MAGI1: variants seen among roughly 807,000 people sequenced by gnomAD.
MAGI1 encodes membrane-associated guanylate kinase, WW and PDZ domain-containing protein 1.
A neutral mutation model predicts 139.9 loss-of-function variants in MAGI1; 58 were observed. That is an observed-to-expected ratio of 0.41 (90% CI 0.34 to 0.52). MAGI1 has a LOEUF of 0.52. Among genes scored for constraint, MAGI1 ranks in the 20% least tolerant of loss-of-function variants. The pLI is 0.12. For missense variants in MAGI1, 1,874 were observed against 1,901.6 expected (o/e 0.99, Z 0.27); for synonymous variants, 812 against 737.9 (o/e 1.10, Z -1.63).
intron 1 of MAGI1, among the ~76,000 whole-genome samples, chr3:65,978,613 C>CAA (rs1435317753): frequency 7.5e-6 from 1 of 134,214 alleles, no homozygotes; most frequent in African/African-American, 2.8e-5. Context: ...TGACTCAGCT[C>CAA]AAAATTTCTT....
Position 65,392,018 on chromosome 3 carries a change from C to T in MAGI1, c.2200-660G>A, listed in dbSNP as rs185868611. On this transcript the variant is annotated intron_variant, in intron 13 of 22. Transcript: ENST00000402939. ...CATTACACTTCACCTCTTAAACTGC[C>T]GATAGTACTGTTGGTTGAAAACCAA... 1.1e-3 allele frequency among the ~76,000 whole-genome samples: 163 copies of T among 152,176 alleles called. 1 individual carries two copies. Among genetic ancestry groups the T allele is most frequent in the Middle Eastern group, 0.01 (3 of 294 alleles).
At chr3:65,728,118 A>T (rs1326847074) in intron 1 of MAGI1, among the ~76,000 whole-genome samples, 1 of 152,198 alleles carries the variant, frequency 6.6e-6, no homozygotes, top group African/African-American at 2.4e-5. Flanking sequence ...AGGGTCTGGA[A>T]GTCTGGAAGG....
At chr3:65,571,871 G>C (rs1365360601) in intron 2 of MAGI1, among the ~76,000 whole-genome samples, 2 of 152,054 alleles carry the variant, frequency 1.3e-5, no homozygotes, top group Non-Finnish European at 2.9e-5. Context: ...CTGATCATTT[G>C]ATGCACAAAA....
At chr3:66,015,179 C>CAA (rs11361856) in intron 1 of MAGI1, among the ~76,000 whole-genome samples, 4 of 97,990 alleles carry the variant, frequency 4.1e-5, no homozygotes, top group Non-Finnish European at 4.2e-5. Context: ...CCTGTCTCTA[C>CAA]AAAAAAAAAA....
intron 14 of MAGI1, among the ~76,000 whole-genome samples, chr3:65,389,148 T>C (rs1171202654): frequency 6.6e-6 from 1 of 152,146 alleles, no homozygotes; most frequent in Non-Finnish European, 1.5e-5. Context: ...TGGCCCCGAA[T>C]ATTTCAGTCC....
chr3:65,619,219 T>A (rs541674338), intron 2 of MAGI1, among the ~76,000 whole-genome samples: 18 of 152,294 alleles, frequency 1.2e-4, no homozygotes, highest in Middle Eastern at 3.4e-3. Flanking sequence ...GGTACAATTT[T>A]GAGAAAGTTC....
chr3:65,435,019 G>A (rs1413041658), intron 10 of MAGI1, among the ~76,000 whole-genome samples: 2 of 152,216 alleles, frequency 1.3e-5, no homozygotes, highest in African/African-American at 4.8e-5. Context: ...TGCACCACAT[G>A]AGGATACAGT....
chr3:65,762,490 T>C (rs2037116977), intron 1 of MAGI1, among the ~76,000 whole-genome samples: 1 of 151,728 alleles, frequency 6.6e-6, no homozygotes, highest in Admixed American at 6.6e-5. Context: ...CACACAGATC[T>C]CCAAAGGATG....
intron 1 of MAGI1, among the ~76,000 whole-genome samples, chr3:65,734,712 G>A (rs2034561084): frequency 6.6e-6 from 1 of 152,106 alleles, no homozygotes; most frequent in Non-Finnish European, 1.5e-5. Flanking sequence ...GAAGATTCCT[G>A]AAGGAAGCAG....
chr3:65,781,604 G>A (rs1027881851), intron 1 of MAGI1, among the ~76,000 whole-genome samples: 3 of 152,096 alleles, frequency 2.0e-5, no homozygotes, highest in Non-Finnish European at 4.4e-5. Context: ...AGCAACTGCC[G>A]CTTTTCAAAG....
chr3:65,700,182 G>A (rs940803703), intron 1 of MAGI1, among the ~76,000 whole-genome samples: 9 of 152,230 alleles, frequency 5.9e-5, no homozygotes, highest in Non-Finnish European at 8.8e-5. Context: ...GGTGACTCAC[G>A]TCTGTAATTC....
intron 13 of MAGI1, among the ~76,000 whole-genome samples, chr3:65,398,015 C>CT (rs983363854): frequency 8.8e-4 from 128 of 146,006 alleles, no homozygotes; most frequent in African/African-American, 2.1e-3. Flanking sequence ...GGCAATTAAT[C>CT]TTTTTTTTTT....
intron 1 of MAGI1, among the ~76,000 whole-genome samples, chr3:65,825,596 C>T (rs2042180078): frequency 6.6e-6 from 1 of 152,068 alleles, no homozygotes; most frequent in Admixed American, 6.5e-5. Context: ...TAAATTATGG[C>T]ACAGTTATGC....
intron 18 of MAGI1, among the ~76,000 whole-genome samples, chr3:65,365,677 G>C (rs887994213): frequency 6.6e-6 from 1 of 152,118 alleles, no homozygotes; most frequent in Admixed American, 6.5e-5. Context: ...TTCTAACAAA[G>C]AAAATGCTAA....
intron 13 of MAGI1, among the ~76,000 whole-genome samples, chr3:65,393,586 A>C (rs1944114409): frequency 6.6e-6 from 1 of 152,010 alleles, no homozygotes; most frequent in Admixed American, 6.5e-5. Flanking sequence ...TCTGAAGGGG[A>C]AAGATATTTT....
intron 1 of MAGI1, among the ~76,000 whole-genome samples, chr3:65,639,084 A>G (rs2084826231): frequency 6.6e-6 from 1 of 152,180 alleles, no homozygotes; most frequent in Admixed American, 6.5e-5. Context: ...ATGACTGACA[A>G]TGTTAGTCTT....
intron 1 of MAGI1, among the ~76,000 whole-genome samples, chr3:65,979,541 T>A (rs1010534085): frequency 6.6e-6 from 1 of 152,198 alleles, no homozygotes; most frequent in Non-Finnish European, 1.5e-5. Flanking sequence ...CTTCAGGGAA[T>A]TTTAATGGCA....
At chr3:65,911,575 C>CA (rs1434771001) in intron 1 of MAGI1, among the ~76,000 whole-genome samples, 2 of 152,170 alleles carry the variant, frequency 1.3e-5, no homozygotes, top group Non-Finnish European at 2.9e-5. Flanking sequence ...TCCTAACTTG[C>CA]ATGCTTATTA....
At chr3:65,572,136 G>C (rs945365734) in intron 2 of MAGI1, among the ~76,000 whole-genome samples, 8 of 152,118 alleles carry the variant, frequency 5.3e-5, no homozygotes, top group African/African-American at 1.9e-4. Flanking sequence ...GAGTAGACTA[G>C]TTTACAATAC....
Sources: allele counts gnomAD v4.1 joint callset (sites outside exome capture counted in the v4.1 genomes callset), GRCh38; gene constraint gnomAD v4.1.1; transcripts MANE v1.5; gene names NCBI Gene and HGNC (gene_info 2026-07-23, HGNC 2026-07-21).